CCDC73: variants seen among roughly 807,000 people sequenced by gnomAD.
CCDC73 encodes coiled-coil domain-containing protein 73.
CCDC73 carries 95 observed loss-of-function variants against 116.5 expected under a neutral mutation model. That is an observed-to-expected ratio of 0.82 (90% CI 0.69 to 0.97). CCDC73 has a LOEUF of 0.97. Ranked by LOEUF, CCDC73 falls within the 50% of genes least tolerant of loss-of-function variation. CCDC73 has a pLI of 0.00. For synonymous variants in CCDC73, 398 were observed against 401.3 expected (o/e 0.99, Z 0.10); for missense variants, 1,066 against 1,206.8 (o/e 0.88, Z 1.73).
At chr11:32,789,919 C>T (rs1850660947) in intron 1 of CCDC73, among the ~76,000 whole-genome samples, 1 of 152,026 alleles carries the variant, frequency 6.6e-6, no homozygotes, top group South Asian at 2.1e-4. Flanking sequence ...GGTCAGTCAG[C>T]CTGAGGAAGG....
chr11:32,768,535 T>C (rs1043202190), intron 1 of CCDC73, among the ~76,000 whole-genome samples: 4 of 152,104 alleles, frequency 2.6e-5, no homozygotes, highest in East Asian at 1.9e-4. Flanking sequence ...TCCCAGAAAG[T>C]TGTAAACAGT....
At chr11:32,682,631 T>C (rs1590591412) in intron 7 of CCDC73, 1 of 151,942 alleles carries the variant, frequency 6.6e-6, no homozygotes, top group African/African-American at 2.4e-5. Context: ...GAAGACTGAA[T>C]AGCATAGCCC....
the CCDC73 span, among the ~76,000 whole-genome samples, chr11:32,800,854 C>T: frequency 2.0e-4 from 30 of 152,072 alleles, no homozygotes; most frequent in Non-Finnish European, 4.3e-4. Context: ...AAAGTCAACA[C>T]TTTAGGGGCA....
chr11:32,738,812 T>G (rs1242268820), intron 2 of CCDC73, among the ~76,000 whole-genome samples: 1 of 152,154 alleles, frequency 6.6e-6, no homozygotes, highest in Non-Finnish European at 1.5e-5. Flanking sequence ...ATATTTTCTT[T>G]TAGTAATTTC....
At chr11:32,707,182 A>G (rs1475264221) in intron 3 of CCDC73, among the ~76,000 whole-genome samples, 2 of 152,166 alleles carry the variant, frequency 1.3e-5, no homozygotes, top group African/African-American at 4.8e-5. Context: ...GTCATACCTT[A>G]TGAAGTATGA....
chr11:32,605,028 A>G (rs1855329079), intron 17 of CCDC73: 2 of 151,670 alleles, frequency 1.3e-5, no homozygotes, highest in Non-Finnish European at 1.5e-5. Flanking sequence ...AATTTTTTGT[A>G]TTTTTAGTAG....
At chr11:32,745,692 A>T (rs1266830456) in intron 2 of CCDC73, among the ~76,000 whole-genome samples, 1 of 149,658 alleles carries the variant, frequency 6.7e-6, no homozygotes, top group Non-Finnish European at 1.5e-5. Context: ...GTTTGTTTAA[A>T]GTCCAGGATT....
intron 4 of CCDC73, among the ~76,000 whole-genome samples, chr11:32,701,462 A>T (rs1469858928): frequency 6.6e-6 from 1 of 152,106 alleles, no homozygotes; most frequent in Non-Finnish European, 1.5e-5. Context: ...ATACTTTGGG[A>T]AGCTGAGGCA....
intron 3 of CCDC73, among the ~76,000 whole-genome samples, chr11:32,705,892 C>T (rs949537898): frequency 1.3e-5 from 2 of 151,542 alleles, no homozygotes; most frequent in Non-Finnish European, 2.9e-5. Flanking sequence ...CATGGTATGC[C>T]ATGATTACAT....
intron 2 of CCDC73, among the ~76,000 whole-genome samples, chr11:32,723,757 TA>T (rs1206655648): frequency 2.0e-5 from 3 of 152,174 alleles, no homozygotes; most frequent in Non-Finnish European, 2.9e-5. Context: ...CTTGTAGTCC[TA>T]AGGCATCTAA....
intron 9 of CCDC73, among the ~76,000 whole-genome samples, chr11:32,675,326 T>C (rs1387553755): frequency 6.6e-6 from 1 of 152,200 alleles, no homozygotes; most frequent in Non-Finnish European, 1.5e-5. Context: ...TATAAGGTAT[T>C]CATGTGATCA....
intron 2 of CCDC73, among the ~76,000 whole-genome samples, chr11:32,746,592 TA>T (rs1565091769): frequency 6.6e-6 from 1 of 152,222 alleles, no homozygotes; most frequent in African/African-American, 2.4e-5. Context: ...TCTTTTCACA[TA>T]GTCTCATATT....
At chr11:32,805,241 T>C in the CCDC73 span, among the ~76,000 whole-genome samples, 2 of 152,244 alleles carry the variant, frequency 1.3e-5, no homozygotes, top group African/African-American at 4.8e-5. Flanking sequence ...GTTAATGATA[T>C]AGACATATCT....
chr11:32,706,738 C>T (rs1186644352), intron 3 of CCDC73, among the ~76,000 whole-genome samples: 1 of 152,158 alleles, frequency 6.6e-6, no homozygotes, highest in Non-Finnish European at 1.5e-5. Flanking sequence ...AAATAATCCA[C>T]AGATATTCTC....
intron 1 of CCDC73, among the ~76,000 whole-genome samples, chr11:32,764,433 G>C (rs1366872785): frequency 6.6e-6 from 1 of 152,178 alleles, no homozygotes; most frequent in African/African-American, 2.4e-5. Flanking sequence ...AACTCCACAA[G>C]CCATAAGAGA....
In CCDC73 at chr11:32,613,756, T is replaced by G; in HGVS notation, c.2562A>C (p.Ser854=). Residue 854 remains serine (S), a synonymous_variant, in exon 16 of 18, where the codon TCA becomes TCC. Coordinates refer to ENST00000335185, the MANE Select transcript of CCDC73 (RefSeq NM_001008391.4). ...EKTESLNDIV[S]GKMFSEGQLE... ...GCTGTCCTTCACTGAACATTTTTCC[T>G]GAAACAATGTCATTTAATGATTCTG... 3.7e-6 allele frequency: 6 copies of G among 1,613,930 alleles called. No homozygotes were observed. The highest frequency in any genetic ancestry group is 4.2e-6 in the Non-Finnish European group (5 of 1,179,846).
chr11:32,731,137 G>A (rs986295566), intron 2 of CCDC73, among the ~76,000 whole-genome samples: 1 of 152,188 alleles, frequency 6.6e-6, no homozygotes, highest in African/African-American at 2.4e-5. Flanking sequence ...TCCTGCACCT[G>A]GCTCGGAGGG....
chr11:32,761,068 G>A (rs1334031198), intron 1 of CCDC73, among the ~76,000 whole-genome samples: 1 of 151,720 alleles, frequency 6.6e-6, no homozygotes, highest in Non-Finnish European at 1.5e-5. Context: ...CAGAACTCTA[G>A]CATCAATACA....
In CCDC73 at chr11:32,613,687, T is replaced by C. The variant is rs374249888; in HGVS notation, c.2631A>G (p.Leu877=). ...AGGTTGACCTTCCGCTTCTGTTTAC[T>C]AAATCTCCAGATGGCTCTATGTGAA... ...HSFHIEPSGD[L]VNRSGRSTFD... Residue 877 remains leucine, a synonymous_variant, in exon 16 of 18, where the codon TTA becomes TTG. Coordinates refer to ENST00000335185, the MANE Select transcript of CCDC73 (RefSeq NM_001008391.4). 61 of 1,614,154 alleles carry C rather than the reference T, an allele frequency of 3.8e-5. No individual in the cohort carries two copies. The African/African-American group carries it at 6.9e-4, about 18-fold the overall frequency.
Sources: allele counts gnomAD v4.1 joint callset (sites outside exome capture counted in the v4.1 genomes callset), GRCh38; gene constraint gnomAD v4.1.1; transcripts MANE v1.5; gene names NCBI Gene and HGNC (gene_info 2026-07-23, HGNC 2026-07-21).